Variants in TMEM170B observed in about 807,000 individuals in gnomAD.
TMEM170B encodes transmembrane protein 170B.
TMEM170B carries 6 observed loss-of-function variants against 13.0 expected under a neutral mutation model. The observed-to-expected ratio is 0.46, with a 90% CI of 0.25 to 0.91. The LOEUF is 0.91. TMEM170B is among the 40% of genes least tolerant of loss of function. The probability of loss-of-function intolerance (pLI) is 0.17; values close to 1 mark genes in which losing one functional copy is unlikely to be tolerated. For synonymous variants in TMEM170B, 61 were observed against 64.9 expected, an observed-to-expected ratio of 0.94 and a Z score of 0.29; for missense variants, 138 against 165.2, an observed-to-expected ratio of 0.84 and a Z score of 0.90.
At position 11,538,267 on chromosome 6, in the gene TMEM170B, C is replaced by T; in HGVS notation, c.-11C>T. The T allele has an allele frequency of 1.5e-6, 2 of 1,351,140 alleles. No individual in the cohort carries two copies. Among genetic ancestry groups the T allele is most frequent in the Non-Finnish European group, 1.9e-6 (2 of 1,049,490 alleles). 83.7% of individuals were successfully genotyped at this position (1,351,140 alleles called of 1,614,324 possible). ...ACCCGAGGAGAGGGCGGCGGGCGCCCCTCGGGGAAGATGAAGGCGGAGGGG... is the reference window on the plus strand; with the variant it reads ...ACCCGAGGAGAGGGCGGCGGGCGCCTCTCGGGGAAGATGAAGGCGGAGGGG... On this transcript the variant is annotated 5_prime_UTR_variant, in exon 1 of 3. Transcript: ENST00000379426.
chr6:11,541,933 A>G (rs1037097016), intron 1 of TMEM170B, among the ~76,000 whole-genome samples: 2 of 152,194 alleles, frequency 1.3e-5, no homozygotes, highest in Admixed American at 6.5e-5. Context: ...AACACACAAG[A>G]TTTATCGAGT....
chr6:11,573,692 C>T (rs867155232), intron 2 of TMEM170B, among the ~76,000 whole-genome samples: 4 of 152,186 alleles, frequency 2.6e-5, no homozygotes, highest in Middle Eastern at 3.4e-3. Flanking sequence ...GTAATTGCTT[C>T]GATTTTCCCC....
intron 1 of TMEM170B, among the ~76,000 whole-genome samples, chr6:11,550,402 A>G (rs1481092893): frequency 2.7e-5 from 4 of 149,690 alleles, no homozygotes; most frequent in Admixed American, 6.6e-5. Context: ...CGAACTCCTG[A>G]CCTCAGGTGA....
intron 2 of TMEM170B, among the ~76,000 whole-genome samples, chr6:11,569,554 G>A (rs748693545): frequency 2.0e-5 from 3 of 152,172 alleles, no homozygotes; most frequent in Non-Finnish European, 4.4e-5. Context: ...GTTCTGCCAA[G>A]GTAGTGCAAA....
chr6:11,539,967 A>G (rs935445544), intron 1 of TMEM170B, among the ~76,000 whole-genome samples: 5 of 152,256 alleles, frequency 3.3e-5, no homozygotes, highest in African/African-American at 1.2e-4. Flanking sequence ...TGTAAAAGTT[A>G]CATTTTACCT....
At chr6:11,574,110 G>T (rs1759841714) in intron 2 of TMEM170B, among the ~76,000 whole-genome samples, 1 of 152,016 alleles carries the variant, frequency 6.6e-6, no homozygotes, top group African/African-American at 2.4e-5. Flanking sequence ...TCTTGTACTT[G>T]CTGTATTTCC....
At chr6:11,564,866 C>T (rs997165448) in intron 1 of TMEM170B, among the ~76,000 whole-genome samples, 1 of 152,170 alleles carries the variant, frequency 6.6e-6, no homozygotes, top group Non-Finnish European at 1.5e-5. Flanking sequence ...ACGATTGGCC[C>T]AGCTTGGATC....
intron 1 of TMEM170B, among the ~76,000 whole-genome samples, chr6:11,559,179 A>AT (rs1056445303): frequency 5.2e-4 from 75 of 145,560 alleles, no homozygotes; most frequent in Non-Finnish European, 9.1e-4. Context: ...TTCTTTATAT[A>AT]TTTTTTTCTT....
chr6:11,545,561 C>T (rs1459248822), intron 1 of TMEM170B, among the ~76,000 whole-genome samples: 1 of 148,808 alleles, frequency 6.7e-6, no homozygotes, highest in Non-Finnish European at 1.5e-5. Context: ...CAACACGTTA[C>T]TCACGTGTTT....
chr6:11,542,646 T>G (rs1057485716), intron 1 of TMEM170B, among the ~76,000 whole-genome samples: 2 of 152,184 alleles, frequency 1.3e-5, no homozygotes, highest in African/African-American at 4.8e-5. Context: ...GAACCACATC[T>G]CTTCTCAACA....
chr6:11,557,666 G>C (rs543099729), intron 1 of TMEM170B, among the ~76,000 whole-genome samples: 1 of 152,102 alleles, frequency 6.6e-6, no homozygotes, highest in African/African-American at 2.4e-5. Context: ...GAACAGTATG[G>C]TAGATGGACT....
In TMEM170B at chr6:11,538,545, G is replaced by A. The variant is rs188266759; in HGVS notation, c.97+171G>A. ...TCGGAGCCACTCTGCGCGTGTCCCG[G>A]GGGCGCCGGCTCCCGCCACCCCCTT... On this transcript the variant is annotated intron_variant, in intron 1 of 2. Transcript: ENST00000379426. 4.4e-3 allele frequency among the ~76,000 whole-genome samples: 666 copies of A among 152,234 alleles called. 2 individuals are homozygous for A. The highest frequency in any genetic ancestry group is 0.01 in the Middle Eastern group (3 of 294).
At chr6:11,571,812 A>G (rs1759804765) in intron 2 of TMEM170B, among the ~76,000 whole-genome samples, 1 of 152,160 alleles carries the variant, frequency 6.6e-6, no homozygotes, top group African/African-American at 2.4e-5. Context: ...TATCTAGACT[A>G]TATATTTTTT....
intron 1 of TMEM170B, among the ~76,000 whole-genome samples, chr6:11,557,549 T>C (rs1271839642): frequency 6.6e-6 from 1 of 152,218 alleles, no homozygotes; most frequent in Non-Finnish European, 1.5e-5. Context: ...AATTTAGATA[T>C]TTTTAGAACA....
rs1371003418 is a variant in TMEM170B at position 11,579,926 on chromosome 6, G to T, written c.*4365G>T. 2 of 152,218 alleles carry T rather than the reference G, an allele frequency of 1.3e-5. No individual in the cohort carries two copies. The highest frequency in any genetic ancestry group is 6.5e-5 in the Admixed American group (1 of 15,268). 9.4% of individuals were successfully genotyped at this position (152,218 alleles called of 1,614,324 possible). A position where few individuals can be genotyped will look rare whatever the true frequency, so the allele number is the denominator to read the frequency against. On this transcript the variant is annotated 3_prime_UTR_variant, in exon 3 of 3. Transcript: ENST00000379426. ...GGCTCTACAGTGTAGTGCCAATTCT[G>T]TAGAAAAATAGAACGATATTCAGTG...
chr6:11,543,030 C>G (rs1014698270), intron 1 of TMEM170B, among the ~76,000 whole-genome samples: 16 of 152,282 alleles, frequency 1.1e-4, no homozygotes, highest in African/African-American at 3.6e-4. Context: ...CTTTACCATG[C>G]TACTTCAGCT....
At chr6:11,545,122 T>C (rs1759415369) in intron 1 of TMEM170B, among the ~76,000 whole-genome samples, 2 of 152,050 alleles carry the variant, frequency 1.3e-5, no homozygotes, top group African/African-American at 2.4e-5. Context: ...AAGGGATAAT[T>C]GGTCCCTGGG....
intron 2 of TMEM170B, among the ~76,000 whole-genome samples, chr6:11,571,613 T>C (rs1202607903): frequency 3.9e-5 from 6 of 152,166 alleles, no homozygotes; most frequent in African/African-American, 1.4e-4. Context: ...TCAAGAACCC[T>C]ATCCCACTTC....
intron 2 of TMEM170B, among the ~76,000 whole-genome samples, chr6:11,569,899 A>G (rs1183103853): frequency 6.7e-6 from 1 of 148,642 alleles, no homozygotes; most frequent in Non-Finnish European, 1.5e-5. Context: ...TAGAAAGGTC[A>G]CTTTTTTTTT....
Sources: gnomAD v4.1 joint callset for allele counts (sites outside exome capture counted in the v4.1 genomes callset) on GRCh38, gnomAD v4.1.1 for gene constraint, MANE v1.5 for transcripts, NCBI Gene and HGNC (gene_info 2026-07-23, HGNC 2026-07-21) for gene names.